Variants in GPR19 observed in about 807,000 individuals in gnomAD.
GPR19 encodes the protein G protein-coupled receptor 19.
Under a neutral mutation model 28.5 loss-of-function variants are expected in GPR19, and 14 were observed. The ratio of observed to expected loss-of-function variants is 0.49; its 90% CI spans 0.32 to 0.77. The LOEUF (loss-of-function observed/expected upper bound fraction) is 0.77. Ranked by LOEUF, GPR19 falls within the 30% of genes least tolerant of loss-of-function variation. The pLI is 0.03. For missense variants in GPR19, 409 were observed against 504.1 expected (o/e 0.81, Z 1.81); for synonymous variants, 173 against 184.1 (o/e 0.94, Z 0.49).
At chr12:12,702,963 G>A in the GPR19 span, among the ~76,000 whole-genome samples, 8 of 152,258 alleles carry the variant, frequency 5.3e-5, no homozygotes, top group South Asian at 4.1e-4. Context: ...AGAATCTACC[G>A]TTTAGGCAAT....
At chr12:12,701,801 C>T in the GPR19 span, among the ~76,000 whole-genome samples, 6 of 151,636 alleles carry the variant, frequency 4.0e-5, no homozygotes, top group African/African-American at 1.2e-4. Context: ...TGTGGTGGTG[C>T]GTGCCTGTCA....
the GPR19 span, chr12:12,715,120 A>AT: frequency 3.3e-5 from 5 of 152,244 alleles, no homozygotes; most frequent in Non-Finnish European, 5.9e-5. Flanking sequence ...CTACTCTAGA[A>AT]TGTCTCCATT....
chr12:12,694,188 C>CTT lies in GPR19; in HGVS notation c.-180+1269_-180+1270dup, dbSNP rs147543699. Reference sequence around the variant, plus strand: ...TGTGTGGGCATGGTAGAGTACCTGTCTTTTTTTTTTTTTTTTTTTTTTTTT... The same window carrying CTT: ...TGTGTGGGCATGGTAGAGTACCTGTCTTTTTTTTTTTTTTTTTTTTTTTTTTT... On this transcript the variant is annotated intron_variant, in intron 2 of 3. Transcript: ENST00000651487. 1.8e-3 allele frequency among the ~76,000 whole-genome samples: 77 copies of CTT among 43,852 alleles called. 16 individuals are homozygous for CTT. Among genetic ancestry groups the CTT allele is most frequent in the African/African-American group, 4.2e-3 (46 of 10,990 alleles). The allele number at this position is 43,852 out of a possible 152,430, so 28.8% of individuals were successfully genotyped here. A position where few individuals can be genotyped will look rare whatever the true frequency, so the allele number is the denominator to read the frequency against.
chr12:12,710,519 T>G, the GPR19 span, among the ~76,000 whole-genome samples: 2 of 152,174 alleles, frequency 1.3e-5, no homozygotes, highest in African/African-American at 4.8e-5. Context: ...TTGTGTCAGA[T>G]GCTTGTCTCC....
At chr12:12,678,014 C>T (rs940973720) in intron 3 of GPR19, among the ~76,000 whole-genome samples, 7 of 129,460 alleles carry the variant, frequency 5.4e-5, no homozygotes, top group East Asian at 5.3e-4. Flanking sequence ...GCGGAGGTTG[C>T]GGTGAGCTGA....
the GPR19 span, among the ~76,000 whole-genome samples, chr12:12,707,346 T>C: frequency 6.6e-6 from 1 of 152,266 alleles, no homozygotes; most frequent in Non-Finnish European, 1.5e-5. Context: ...CATGACATAT[T>C]ATGCTTATTT....
intron 3 of GPR19, among the ~76,000 whole-genome samples, chr12:12,664,265 C>T (rs939780595): frequency 5.3e-5 from 8 of 152,096 alleles, no homozygotes; most frequent in African/African-American, 1.7e-4. Flanking sequence ...GCTGGGATTA[C>T]GGGTGTAGCA....
chr12:12,662,299 C>T lies in GPR19; in HGVS notation c.150G>A (p.Met50Ile). 6.2e-7 allele frequency: 1 copy of T among 1,614,222 alleles called. No individual in the cohort carries two copies. Among genetic ancestry groups the T allele is most frequent in the Non-Finnish European group, 8.5e-7 (1 of 1,180,040 alleles). Residue 50 changes from methionine to isoleucine, a missense_variant, in exon 4 of 4, where the codon ATG (methionine) becomes ATA (isoleucine). Physicochemically the swap from Met to Ile is conservative, Grantham distance 10. Coordinates refer to ENST00000651487, the MANE Select transcript of GPR19 (RefSeq NM_006143.3). ...CATAGTGAAGGTCTGTTTGGTTGCTCATCCAACTGTGCTCCTCACTTAATT... is the reference window on the plus strand; with the variant it reads ...CATAGTGAAGGTCTGTTTGGTTGCTTATCCAACTGTGCTCCTCACTTAATT... ...LMELSEEHSWMSNQTDLHYVL... is the reference protein window; with the variant it reads ...LMELSEEHSWISNQTDLHYVL...
chr12:12,707,108 T>G, the GPR19 span, among the ~76,000 whole-genome samples: 6 of 152,160 alleles, frequency 3.9e-5, no homozygotes, highest in Admixed American at 6.5e-5. Context: ...GCTTACTAGT[T>G]CCCTTATTGT....
chr12:12,683,907 C>T (rs74061749), intron 3 of GPR19, among the ~76,000 whole-genome samples: 2,191 of 151,726 alleles, frequency 0.014, 52 homozygotes, highest in African/African-American at 0.049. Context: ...GGAAGATGAT[C>T]ACACAGCACA....
chr12:12,668,570 A>G (rs77121802), intron 3 of GPR19, among the ~76,000 whole-genome samples: 10,264 of 152,268 alleles, frequency 0.067, 469 homozygotes, highest in South Asian at 0.14. Context: ...ATAAAGATTC[A>G]CAAACATTCT....
chr12:12,703,815 CGT>C, the GPR19 span, among the ~76,000 whole-genome samples: 1 of 152,112 alleles, frequency 6.6e-6, no homozygotes, highest in Admixed American at 6.5e-5. Flanking sequence ...TTCCTAATAC[CGT>C]GCACTGGGAG....
At chr12:12,687,120 G>A (rs1946109170) in intron 2 of GPR19, among the ~76,000 whole-genome samples, 1 of 152,340 alleles carries the variant, frequency 6.6e-6, no homozygotes, top group Admixed American at 6.5e-5. Flanking sequence ...TTGAACATGA[G>A]TAATGTGATC....
chr12:12,713,056 GCTTTT>G, the GPR19 span, among the ~76,000 whole-genome samples: 1 of 124,938 alleles, frequency 8.0e-6, no homozygotes, highest in Non-Finnish European at 1.6e-5. Context: ...GATCTGATGC[GCTTTT>G]TTTTTTTTTT....
intron 3 of GPR19, 41 bp from the exon 4 acceptor site, chr12:12,662,511 G>A (rs1333323461): frequency 3.0e-5 from 43 of 1,438,688 alleles, no homozygotes; most frequent in Non-Finnish European, 4.0e-5. Context: ...TGTTAAAAAG[G>A]TGTCATACAG....
At chr12:12,664,919 C>CAAAAAAAAAAAAA (rs746346681) in intron 3 of GPR19, among the ~76,000 whole-genome samples, 10 of 31,110 alleles carry the variant, frequency 3.2e-4, no homozygotes, top group African/African-American at 9.3e-4. Context: ...GACGCCATCT[C>CAAAAAAAAAAAAA]AAAAAAAAAA....
At chr12:12,714,648 TTA>T in the GPR19 span, among the ~76,000 whole-genome samples, 1 of 151,906 alleles carries the variant, frequency 6.6e-6, no homozygotes, top group Non-Finnish European at 1.5e-5. Context: ...TTTCCGTCTT[TTA>T]CCAGGGTCCA....
At chr12:12,674,547 G>C (rs2136325182) in intron 3 of GPR19, among the ~76,000 whole-genome samples, 1 of 152,312 alleles carries the variant, frequency 6.6e-6, no homozygotes, top group Middle Eastern at 3.4e-3. Flanking sequence ...ATGACCCCTA[G>C]TTTTGAGAGC....
In GPR19 at chr12:12,665,066, T is replaced by A. The variant is rs907267002; in HGVS notation, c.-22-2596A>T. Among the ~76,000 whole-genome samples the A allele has an allele frequency of 4.4e-4, 67 of 152,164 alleles. 1 individual carries two copies. Among genetic ancestry groups the A allele is most frequent in the Middle Eastern group, 6.9e-3 (2 of 290 alleles). ...TGTGTGTAAAACCTATTAAACTTTT[T>A]AAAAAACCTGTTAAGATTTAAAGTT... On this transcript the variant is annotated intron_variant, in intron 3 of 3. Transcript: ENST00000651487.
Sources: gnomAD v4.1 joint callset for allele counts (sites outside exome capture counted in the v4.1 genomes callset) on GRCh38, gnomAD v4.1.1 for gene constraint, MANE v1.5 for transcripts, NCBI Gene and HGNC (gene_info 2026-07-23, HGNC 2026-07-21) for gene names.